Variants in SCML1 observed in about 807,000 individuals in gnomAD.
SCML1 encodes sex comb on midleg-like protein 1.
For missense variants in SCML1, 137 were observed against 258.1 expected (o/e 0.53, Z 3.22); for synonymous variants, 104 against 103.6 (o/e 1.00, Z -0.02).
At chrX:17,752,095 C>T (rs1201554515) in intron 7 of SCML1, 129 bp downstream of exon 7, 18 of 724,845 alleles carry the variant, frequency 2.5e-5, no homozygotes, top group Admixed American at 1.5e-4. Flanking sequence ...TATGAGAAAG[C>T]TTATTTTGCC....
intron 1 of SCML1, among the ~76,000 whole-genome samples, chrX:17,739,731 G>A (rs764022783): frequency 7.5e-5 from 8 of 106,645 alleles, no homozygotes; most frequent in African/African-American, 2.8e-4. Flanking sequence ...AGCCTGTTAC[G>A]CTAACTACTC....
At chrX:17,739,890 T>C (rs1025999718) in intron 1 of SCML1, among the ~76,000 whole-genome samples, 14 of 106,977 alleles carry the variant, frequency 1.3e-4, no homozygotes, top group Non-Finnish European at 2.3e-4. Flanking sequence ...ATTTCTGTGG[T>C]AAATATAAAT....
At chrX:17,752,767 G>A (rs1349564711) in intron 7 of SCML1, among the ~76,000 whole-genome samples, 2 of 111,395 alleles carry the variant, frequency 1.8e-5, no homozygotes, top group Non-Finnish European at 3.8e-5. Context: ...AAGAAAATTG[G>A]TGATTAGTTT....
chrX:17,744,353 T>A, intron 2 of SCML1, 134 bp downstream of exon 2: 1 of 423,995 alleles, frequency 2.4e-6, no homozygotes, highest in Non-Finnish European at 3.9e-6. Context: ...AACAGTAATA[T>A]ATAAAGCTCT....
intron 1 of SCML1, among the ~76,000 whole-genome samples, chrX:17,738,399 A>G (rs1227313223): frequency 8.9e-6 from 1 of 111,994 alleles, no homozygotes; most frequent in Non-Finnish European, 1.9e-5. Context: ...CAGGTTGACT[A>G]AAAGATAGCG....
rs776940577 is a variant in SCML1 at position 17,751,918 on chromosome X, A to G, written c.807A>G (p.Gln269=). The change falls in exon 7 of 8, where the codon CAA becomes CAG. Residue 269 remains glutamine, a synonymous_variant. Transcript: ENST00000380041. ...AAGCAGTGGTCCTATTTCTAAAACA[A>G]ACAGATCCTCTTGCATTATGCCCTC... ...SVEAVVLFLK[Q]TDPLALCPLV... 4 of 1,211,198 alleles carry G rather than the reference A, an allele frequency of 3.3e-6. No homozygotes were observed. The highest frequency in any genetic ancestry group is 4.5e-6 in the Non-Finnish European group (4 of 895,132).
At chrX:17,742,113 TAAAAACTGGAC>T (rs1431984324) in intron 1 of SCML1, among the ~76,000 whole-genome samples, 2 of 111,806 alleles carry the variant, frequency 1.8e-5, no homozygotes, top group African/African-American at 6.6e-5. Flanking sequence ...GAAAATGTTA[TAAAAACTGGAC>T]CCAGAGAGTT....
chrX:17,740,601 C>T (rs2066586299), intron 1 of SCML1, among the ~76,000 whole-genome samples: 1 of 111,802 alleles, frequency 8.9e-6, no homozygotes, highest in Admixed American at 9.4e-5. Flanking sequence ...GACCACAAGC[C>T]TAAGGTCTTA....
intron 2 of SCML1, 130 bp from the exon 3 acceptor site, chrX:17,745,326 T>C (rs932410526): frequency 9.8e-5 from 45 of 457,875 alleles, no homozygotes; most frequent in Non-Finnish European, 1.6e-4. Flanking sequence ...GTATTTACAG[T>C]GAGCAAAGGT....
At chrX:17,749,760 A>G (rs1025020427) in intron 5 of SCML1, 134 bp from the exon 6 acceptor site, 8 of 613,074 alleles carry the variant, frequency 1.3e-5, no homozygotes, top group Non-Finnish European at 1.5e-5. Flanking sequence ...GAAGAATTAT[A>G]TAATCAAAAG....
chrX:17,745,517 CA>C lies in SCML1; in HGVS notation c.99del (p.Lys33AsnfsTer23). On this transcript the variant is annotated frameshift_variant, in exon 3 of 8. Coordinates refer to ENST00000380041, the MANE Select transcript of SCML1 (RefSeq NM_001037540.3). LOFTEE classifies it high-confidence loss of function. ...AACACTATTCTTTATGCGTATGAAA[CA>C]AAACCTGAATTTGTCAATAAAGTAT... ...DDNTILYAYE[T>X]KPEFVNKEPN... The C allele has an allele frequency of 8.7e-7, 1 of 1,149,624 alleles. No individual in the cohort carries two copies. The highest frequency in any genetic ancestry group is 1.2e-6 in the Non-Finnish European group (1 of 845,048). The allele number at this position is 1,149,624 out of a possible 1,213,427, so 94.7% of individuals were successfully genotyped here.
intron 5 of SCML1, 28 bp downstream of exon 5, chrX:17,749,532 A>G (rs1392877869): frequency 1.1e-6 from 1 of 919,798 alleles, no homozygotes; most frequent in Non-Finnish European, 1.5e-6. Flanking sequence ...CATTTTTACA[A>G]CTGTGATAAA....
At position 17,753,239 on chromosome X, in the gene SCML1, A is replaced by T; in HGVS notation, c.856-19A>T. 9.0e-7 allele frequency: 1 copy of T among 1,104,998 alleles called. No individual in the cohort carries two copies. The allele number at this position is 1,104,998 out of a possible 1,213,427, so 91.1% of individuals were successfully genotyped here. On this transcript the variant is annotated intron_variant, in intron 7 of 7. Coordinates refer to ENST00000380041, the MANE Select transcript of SCML1 (RefSeq NM_001037540.3). ...TATGGAAGCATTATTAATTATCGTT[A>T]AGTTTCTTCTCTCCATAGGAAATTG...
At chrX:17,741,691 G>A (rs1200285486) in intron 1 of SCML1, among the ~76,000 whole-genome samples, 1 of 110,935 alleles carries the variant, frequency 9.0e-6, no homozygotes. Context: ...TTAGGCTTTC[G>A]GCAGCCTGAA....
At chrX:17,737,785 G>C (rs1417205676) in intron 1 of SCML1, 105 bp downstream of exon 1, 1 of 111,914 alleles carries the variant, frequency 8.9e-6, no homozygotes, top group South Asian at 3.8e-4. Flanking sequence ...TTTGCTTTGC[G>C]GGGAAGAGCG....
Position 17,743,458 on chromosome X carries a change from C to G in SCML1, c.-116-613C>G, listed in dbSNP as rs754632141. 6.2e-5 allele frequency among the ~76,000 whole-genome samples: 7 copies of G among 112,227 alleles called. No individual in the cohort carries two copies. In the South Asian group the frequency reaches 2.6e-3, roughly 42 times the overall value. On this transcript the variant is annotated intron_variant, in intron 1 of 7. Coordinates refer to ENST00000380041, the MANE Select transcript of SCML1 (RefSeq NM_001037540.3). ...TACTCTTGCAGCCAGTTTTCTAGTTCCATAGTAAAGTGACTCAGAGCCATA... is the reference window on the plus strand; with the variant it reads ...TACTCTTGCAGCCAGTTTTCTAGTTGCATAGTAAAGTGACTCAGAGCCATA...
intron 1 of SCML1, chrX:17,743,747 T>C (rs2066620265): frequency 8.7e-6 from 1 of 114,437 alleles, no homozygotes; most frequent in Non-Finnish European, 1.8e-5. Flanking sequence ...CAAGAGCCTT[T>C]TGGAGCTCCT....
chrX:17,749,542 A>G (rs760274545), intron 5 of SCML1, 38 bp downstream of exon 5: 1 of 884,980 alleles, frequency 1.1e-6, no homozygotes. Context: ...ACTGTGATAA[A>G]CCTCTGGTTT....
chrX:17,753,547 C>A lies in SCML1; in HGVS notation c.*155C>A. 2.9e-6 allele frequency: 1 copy of A among 344,427 alleles called. No homozygotes were observed. The highest frequency in any genetic ancestry group is 4.8e-6 in the Non-Finnish European group (1 of 208,538). The allele number at this position is 344,427 out of a possible 1,213,427, so 28.4% of individuals were successfully genotyped here. On this transcript the variant is annotated 3_prime_UTR_variant, in exon 8 of 8. Transcript: ENST00000380041. Reference sequence around the variant, plus strand: ...TAGAATTGTAGAACTATGTTATAGTCCAGTCTACTTCTTTAAAAACCATTT... The same window carrying A: ...TAGAATTGTAGAACTATGTTATAGTACAGTCTACTTCTTTAAAAACCATTT...
Sources: allele counts gnomAD v4.1 joint callset (sites outside exome capture counted in the v4.1 genomes callset), GRCh38; gene constraint gnomAD v4.1.1; transcripts MANE v1.5; gene names NCBI Gene and HGNC (gene_info 2026-07-23, HGNC 2026-07-21).